The following RSPH10B2 variants were observed in gnomAD, a reference collection of about 807,000 sequenced individuals.
RSPH10B2 encodes radial spoke head 10 homolog B2 (Chlamydomonas).
In RSPH10B2, 9 loss-of-function variants were observed where a neutral mutation model predicts 49.0. The observed-to-expected ratio is 0.18, with a 90% CI of 0.11 to 0.32. The LOEUF (loss-of-function observed/expected upper bound fraction) is 0.32, where lower values mean the gene tolerates loss of function less well. Among genes scored for constraint, RSPH10B2 ranks in the 10% least tolerant of loss-of-function variants. The pLI is 1.00. For synonymous variants in RSPH10B2, 35 were observed against 210.2 expected (o/e 0.17, Z 7.21); for missense variants, 95 against 589.9 (o/e 0.16, Z 8.69).
intron 5 of RSPH10B2, among the ~76,000 whole-genome samples, 194 bp from the exon 8 acceptor site, chr7:6,766,562 TC>T (rs1781463903): frequency 1.4e-5 from 1 of 69,946 alleles, no homozygotes; most frequent in Non-Finnish European, 2.6e-5. Context: ...TCCTCCAGCC[TC>T]GGCCTCCCAA....
At chr7:6,770,801 A>AGGCTGG (rs1781612850) in intron 7 of RSPH10B2, among the ~76,000 whole-genome samples, 1 of 152,052 alleles carries the variant, frequency 6.6e-6, no homozygotes, top group South Asian at 2.1e-4. Context: ...GCTACTCAGG[A>AGGCTGG]GGCTGAGGCA....
intron 1 of RSPH10B2, among the ~76,000 whole-genome samples, chr7:6,758,375 AG>A (rs1358054134): frequency 6.8e-6 from 1 of 148,090 alleles, no homozygotes; most frequent in East Asian, 2.1e-4. Context: ...TGTGATGCTG[AG>A]GTTTGGGCTT....
chr7:6,776,873 TCACACACACA>T (rs746541740), intron 10 of RSPH10B2, among the ~76,000 whole-genome samples: 3,948 of 111,036 alleles, frequency 0.036, 109 homozygotes, highest in African/African-American at 0.068. Flanking sequence ...CGAGACTCCA[TCACACACACA>T]CACACACACA....
intron 16 of RSPH10B2, among the ~76,000 whole-genome samples, chr7:6,791,021 G>A (rs1782294371): frequency 8.0e-6 from 1 of 125,422 alleles, no homozygotes; most frequent in African/African-American, 3.1e-5. Context: ...TTGAGACAGA[G>A]TCTCGCTCTG....
At chr7:6,782,847 C>T (rs1781994539) in intron 13 of RSPH10B2, among the ~76,000 whole-genome samples, 1 of 119,086 alleles carries the variant, frequency 8.4e-6, no homozygotes, top group East Asian at 2.7e-4. Flanking sequence ...TGTGCCACTG[C>T]ACTCCAGTCT....
chr7:6,795,722 C>T (rs536516558), intron 17 of RSPH10B2, among the ~76,000 whole-genome samples: 6 of 146,570 alleles, frequency 4.1e-5, no homozygotes, highest in Non-Finnish European at 7.6e-5. Flanking sequence ...GATGGTACCA[C>T]TGCACTCCAG....
At chr7:6,797,288 G>A (rs1782617487) in intron 18 of RSPH10B2, among the ~76,000 whole-genome samples, 1 of 145,070 alleles carries the variant, frequency 6.9e-6, no homozygotes, top group South Asian at 2.4e-4. Context: ...GGGTCACAGG[G>A]GTGAGTCACT....
In RSPH10B2 at chr7:6,793,406, CT is replaced by C. The variant is rs1428717462; in HGVS notation, c.2233+1413del. 3.4e-5 allele frequency among the ~76,000 whole-genome samples: 4 copies of C among 116,402 alleles called. 2 individuals carry two copies. In the East Asian group the frequency reaches 1.4e-3, roughly 41 times the overall value. The allele number at this position is 116,402 out of a possible 152,430, so 76.4% of individuals were successfully genotyped here. On this transcript the variant is annotated intron_variant, in intron 17 of 18. Coordinates refer to ENST00000297186, the Ensembl canonical transcript of RSPH10B2. The stretch of plus-strand genomic sequence containing the variant: ...GGCCGGCCACCCACTCAATGGTGGA[CT>C]TTTAAAGGCTCCGTCCCGGGGCCTT...
At chr7:6,776,702 C>A (rs1480278740) in intron 10 of RSPH10B2, among the ~76,000 whole-genome samples, 156 bp downstream of exon 12, 1 of 48,732 alleles carries the variant, frequency 2.1e-5, no homozygotes, top group African/African-American at 8.4e-5. Context: ...TGGTGAAACC[C>A]CGTCTCTACT....
At chr7:6,792,596 C>T (rs879991604) in intron 17 of RSPH10B2, among the ~76,000 whole-genome samples, 1,828 of 93,348 alleles carry the variant, frequency 0.02, 1 homozygote, top group Non-Finnish European at 0.026. Context: ...TCCCTCTGGT[C>T]TGATTCCTCA....
At position 6,792,736 on chromosome 7, in the gene RSPH10B2, T is replaced by C. The variant is rs1782393294; in HGVS notation, c.2233+739T>C. On this transcript the variant is annotated intron_variant, in intron 17 of 18. Transcript: ENST00000297186. ...CCAGTTGCACGTGGCCTTGTTTTCA[T>C]GATTAAACAAGCCCTGGTGTTTCCC... 1.7e-5 allele frequency among the ~76,000 whole-genome samples: 2 copies of C among 119,724 alleles called. 1 individual carries two copies. The highest frequency in any genetic ancestry group is 3.4e-5 in the Non-Finnish European group (2 of 58,924). 78.5% of individuals were successfully genotyped at this position (119,724 alleles called of 152,430 possible). A position where few individuals can be genotyped will look rare whatever the true frequency, so the allele number is the denominator to read the frequency against.
exon 6 of RSPH10B2, chr7:6,766,842 G>C: frequency 1.5e-6 from 1 of 670,792 alleles, no homozygotes; most frequent in East Asian, 3.0e-5. Context: ...GACCACCAAC[G>C]AAGAGTACAC....
chr7:6,763,409 A>T (rs1233379036), intron 3 of RSPH10B2, among the ~76,000 whole-genome samples: 1 of 111,810 alleles, frequency 8.9e-6, no homozygotes, highest in Non-Finnish European at 1.8e-5. Context: ...ATTGCACTAC[A>T]GCCTGGGCGA....
At chr7:6,787,233 G>T (rs2115473862) in intron 15 of RSPH10B2, among the ~76,000 whole-genome samples, 1 of 124,810 alleles carries the variant, frequency 8.0e-6, no homozygotes, top group East Asian at 3.3e-4. Context: ...GCAGGCACCT[G>T]TAGTCCCAGC....
At chr7:6,786,396 G>A (rs1170048449) in intron 14 of RSPH10B2, among the ~76,000 whole-genome samples, 4 of 118,940 alleles carry the variant, frequency 3.4e-5, no homozygotes, top group Non-Finnish European at 3.3e-5. Context: ...GAGTTTCACC[G>A]TGTTAGCCAG....
intron 16 of RSPH10B2, among the ~76,000 whole-genome samples, chr7:6,791,439 A>C (rs1782324214): frequency 6.7e-6 from 1 of 149,536 alleles, no homozygotes; most frequent in African/African-American, 2.5e-5. Context: ...TAAATATTTT[A>C]TTCAGGTTAA....
At chr7:6,764,746 G>A (rs1428503285) in intron 4 of RSPH10B2, among the ~76,000 whole-genome samples, 42 of 150,344 alleles carry the variant, frequency 2.8e-4, no homozygotes, top group Non-Finnish European at 5.3e-4. Flanking sequence ...GTGTTTTACA[G>A]CAGATTGCTT....
chr7:6,786,439 C>A (rs1321066926), intron 14 of RSPH10B2, among the ~76,000 whole-genome samples: 28 of 115,980 alleles, frequency 2.4e-4, no homozygotes, highest in Non-Finnish European at 4.6e-4. Flanking sequence ...CGTGATCCAC[C>A]TGCCTCGGCC....
chr7:6,784,322 G>A (rs1482577664), intron 13 of RSPH10B2, among the ~76,000 whole-genome samples: 27 of 8,280 alleles, frequency 3.3e-3, no homozygotes, highest in African/African-American at 0.02. Flanking sequence ...CTGCAGTGGC[G>A]TGATCTCAGC....
Sources: allele counts gnomAD v4.1 joint callset (sites outside exome capture counted in the v4.1 genomes callset), GRCh38; gene constraint gnomAD v4.1.1; transcripts MANE v1.5; gene names NCBI Gene and HGNC (gene_info 2026-07-23, HGNC 2026-07-21).